Variants in OXNAD1 observed in about 807,000 individuals in gnomAD.
OXNAD1 encodes the protein oxidoreductase NAD binding domain containing 1, also known as oxidoreductase NAD-binding domain-containing protein 1.
Under a neutral mutation model 32.9 loss-of-function variants are expected in OXNAD1, and 34 were observed. The ratio of observed to expected loss-of-function variants is 1.03; its 90% CI spans 0.79 to 1.38. The LOEUF is 1.38. OXNAD1 is among the 40% of genes most tolerant of loss of function. OXNAD1 has a pLI of 0.00. For missense variants in OXNAD1, 407 were observed against 379.4 expected, an observed-to-expected ratio of 1.07 and a Z score of -0.60; for synonymous variants, 134 against 135.2, an observed-to-expected ratio of 0.99 and a Z score of 0.06.
Position 16,336,714 on chromosome 3 carries a change from G to A in OXNAD1, c.*31-398G>A, listed in dbSNP as rs562795451. ...TCTTAGATGCAGAAAAGGGTCAGAG[G>A]AAAATACATGTAGTGCATAAAAAGC... On this transcript the variant is annotated intron_variant, in intron 9 of 9. Transcript: ENST00000435829. The surrounding 1 kb of genome is among the most constrained non-coding windows in gnomAD (Gnocchi z 6.0). Among the ~76,000 whole-genome samples the A allele has an allele frequency of 6.6e-6, 1 of 152,038 alleles. No individual in the cohort carries two copies. Among genetic ancestry groups the A allele is most frequent in the East Asian group, 1.9e-4 (1 of 5,178 alleles).
intron 9 of OXNAD1, among the ~76,000 whole-genome samples, chr3:16,343,044 T>C (rs2071414890): frequency 6.6e-6 from 1 of 152,132 alleles, no homozygotes; most frequent in East Asian, 1.9e-4. Context: ...AAGGTCTCAC[T>C]ATGTTGCCCA....
At position 16,348,085 on chromosome 3, in the gene OXNAD1, T is replaced by A. The variant is rs1451130122; in HGVS notation, c.*31-1091T>A. The A allele has an allele frequency of 6.6e-6, 1 of 152,130 alleles. No homozygotes were observed. Among genetic ancestry groups the A allele is most frequent in the Admixed American group, 6.5e-5 (1 of 15,272 alleles). The allele number at this position is 152,130 out of a possible 1,614,324, so 9.4% of individuals were successfully genotyped here. ...CTGAGGCCAGGGAGCAGGGCTTTCA[T>A]ACACCCACACTCCTCTGTCATCGAC... On this transcript the variant is annotated intron_variant, in intron 9 of 9. Coordinates refer to the OXNAD1 transcript ENST00000606098. This position sits in a 1 kb window ranked among gnomAD's most constrained non-coding sequence, Gnocchi z 6.3.
At position 16,304,414 on chromosome 3, in the gene OXNAD1, A is replaced by G. The variant is rs560458705; in HGVS notation, c.*852A>G. ...CTTTTTATTTCACTCATTTGCCAGA[A>G]TTGTTCTTGGCACCAGCAGCTCCTT... On this transcript the variant is annotated 3_prime_UTR_variant, in exon 9 of 9. Transcript: ENST00000285083. This position sits in a 1 kb window ranked among gnomAD's most constrained non-coding sequence, Gnocchi z 4.6. The G allele has an allele frequency of 3.3e-5, 5 of 152,342 alleles. No individual in the cohort carries two copies. In the East Asian group the frequency reaches 9.6e-4, roughly 29 times the overall value. 9.4% of individuals were successfully genotyped at this position (152,342 alleles called of 1,614,324 possible). A position where few individuals can be genotyped will look rare whatever the true frequency, so the allele number is the denominator to read the frequency against.
chr3:16,330,509 G>A (rs989138607), intron 9 of OXNAD1, among the ~76,000 whole-genome samples: 1 of 152,196 alleles, frequency 6.6e-6, no homozygotes, highest in Non-Finnish European at 1.5e-5. Flanking sequence ...AGAGAAGAAA[G>A]CACCAACAAC....
chr3:16,288,813 C>T lies in OXNAD1; in HGVS notation c.290+2365C>T, dbSNP rs959217638. 1.3e-5 allele frequency among the ~76,000 whole-genome samples: 2 copies of T among 152,184 alleles called. No individual in the cohort carries two copies. The highest frequency in any genetic ancestry group is 1.3e-4 in the Admixed American group (2 of 15,278). On this transcript the variant is annotated intron_variant, in intron 5 of 8. Transcript: ENST00000285083. This position sits in a 1 kb window ranked among gnomAD's most constrained non-coding sequence, Gnocchi z 5.1. ...ATTCCTCCTCCCTTGGGGTGGAAAGCTTGGCACTCACTCTTGGGTCTGGAG... is the reference window on the plus strand; with the variant it reads ...ATTCCTCCTCCCTTGGGGTGGAAAGTTTGGCACTCACTCTTGGGTCTGGAG...
chr3:16,275,251 A>C (rs1408626021), intron 4 of OXNAD1: 1 of 156,818 alleles, frequency 6.4e-6, no homozygotes, highest in Non-Finnish European at 1.5e-5. Context: ...AATGTTCTTT[A>C]GTTGTGTCTT....
intron 9 of OXNAD1, among the ~76,000 whole-genome samples, chr3:16,332,667 G>A (rs370230352): frequency 6.6e-6 from 1 of 152,056 alleles, no homozygotes; most frequent in African/African-American, 2.4e-5. Flanking sequence ...GCTTTTCTTG[G>A]GTTCTGCAAG....
rs1420084999 is a variant in OXNAD1, at chr3:16,277,218, C to G, written c.183+5496C>G. Reference sequence around the variant, plus strand: ...CTGGGATTACAGGCATGAGCCACAGCTCCTGGCCCTCCTCTTCTGTTTCTA... The same window carrying G: ...CTGGGATTACAGGCATGAGCCACAGGTCCTGGCCCTCCTCTTCTGTTTCTA... On this transcript the variant is annotated intron_variant, in intron 4 of 8. Coordinates refer to ENST00000285083, the MANE Select transcript of OXNAD1 (RefSeq NM_138381.5). This position sits in a 1 kb window ranked among gnomAD's most constrained non-coding sequence, Gnocchi z 4.3. Among the ~76,000 whole-genome samples, 1 of 152,180 alleles carries G rather than the reference C, an allele frequency of 6.6e-6. No homozygotes were observed. The highest frequency in any genetic ancestry group is 6.5e-5 in the Admixed American group (1 of 15,278).
intron 4 of OXNAD1, among the ~76,000 whole-genome samples, chr3:16,285,674 T>C (rs2066026034): frequency 6.6e-6 from 1 of 152,208 alleles, no homozygotes; most frequent in African/African-American, 2.4e-5. Context: ...TCTCAAATTA[T>C]CTGTAGGGAA....
chr3:16,274,145 CAAT>C (rs1207212119), intron 4 of OXNAD1, among the ~76,000 whole-genome samples: 1 of 144,136 alleles, frequency 6.9e-6, no homozygotes, highest in African/African-American at 2.6e-5. Flanking sequence ...TTCCCCCTTC[CAAT>C]AAATCACTGT....
chr3:16,290,805 G>A lies in OXNAD1; in HGVS notation c.291-4051G>A, dbSNP rs994397182. The stretch of plus-strand genomic sequence containing the variant: ...AAATGACTGGAAATGTAAGGCCATA[G>A]ACTGCAGGAGAATATTTTTTTAAGG... On this transcript the variant is annotated intron_variant, in intron 5 of 8. Coordinates refer to ENST00000285083, the MANE Select transcript of OXNAD1 (RefSeq NM_138381.5). This position sits in a 1 kb window ranked among gnomAD's most constrained non-coding sequence, Gnocchi z 4.2. Among the ~76,000 whole-genome samples the A allele has an allele frequency of 2.0e-5, 3 of 152,216 alleles. No individual in the cohort carries two copies. The highest frequency in any genetic ancestry group is 7.2e-5 in the African/African-American group (3 of 41,456).
Position 16,265,986 on chromosome 3 carries a change from G to T in OXNAD1, c.-159+481G>T. On this transcript the variant is annotated intron_variant, in intron 1 of 8. Transcript: ENST00000285083. The surrounding 1 kb of genome is among the most constrained non-coding windows in gnomAD (Gnocchi z 4.8). ...TTTTTGTCTTGAAAGCAGTGCTAGT[G>T]CCTGTTTTGGTAAAACCGATTACAT... is the stretch of plus-strand genomic sequence containing the variant. The T allele has an allele frequency of 3.7e-6, 3 of 820,654 alleles. No homozygotes were observed. The highest frequency in any genetic ancestry group is 5.5e-5 in the South Asian group (1 of 18,042). 50.8% of individuals were successfully genotyped at this position (820,654 alleles called of 1,614,324 possible).
chr3:16,283,888 G>A (rs1433099074), intron 4 of OXNAD1, among the ~76,000 whole-genome samples: 1 of 152,156 alleles, frequency 6.6e-6, no homozygotes, highest in Non-Finnish European at 1.5e-5. Flanking sequence ...AGGTCAGGGA[G>A]GGTGAGAACT....
At chr3:16,278,890 G>A (rs1489048421) in intron 4 of OXNAD1, among the ~76,000 whole-genome samples, 1 of 152,170 alleles carries the variant, frequency 6.6e-6, no homozygotes, top group African/African-American at 2.4e-5. Flanking sequence ...TGAGGCTTGG[G>A]TTTGAATGGG....
rs2070906737 is a variant in OXNAD1, at chr3:16,336,904, T to C, written c.*31-208T>C. Among the ~76,000 whole-genome samples the C allele has an allele frequency of 6.6e-6, 1 of 152,210 alleles. No individual in the cohort carries two copies. The highest frequency in any genetic ancestry group is 1.5e-5 in the Non-Finnish European group (1 of 68,038). On this transcript the variant is annotated intron_variant, in intron 9 of 9. Transcript: ENST00000435829. The surrounding 1 kb of genome is among the most constrained non-coding windows in gnomAD (Gnocchi z 6.0). ...ACATGAAACATATTGTTTGGAAGAA[T>C]GGTGTCTATTATGACTTCCCTGTGT...
chr3:16,303,555 GGT>G lies in OXNAD1; in HGVS notation c.934_935del (p.Trp312ValfsTer10). 1 of 1,613,770 alleles carries G rather than the reference GGT, an allele frequency of 6.2e-7. No homozygotes were observed. Among genetic ancestry groups the G allele is most frequent in the Non-Finnish European group, 8.5e-7 (1 of 1,179,836 alleles). On this transcript the variant is annotated frameshift_variant, in exon 9 of 9. Transcript: ENST00000285083. LOFTEE classifies it high-confidence loss of function. This position sits in a 1 kb window ranked among gnomAD's most constrained non-coding sequence, Gnocchi z 4.8. Reference sequence around the variant, plus strand: ...AAAGAACACATTTGCTTTGAGAAGTGGTGGTAGGAGGCAGACAAAGGCAGAAA... The same window carrying G: ...AAAGAACACATTTGCTTTGAGAAGTGGGTAGGAGGCAGACAAAGGCAGAAA...
In OXNAD1 at chr3:16,329,496, G is replaced by C. The variant is rs1273998965; in HGVS notation, c.*31-7616G>C. Among the ~76,000 whole-genome samples the C allele has an allele frequency of 2.0e-5, 3 of 152,166 alleles. No homozygotes were observed. Among genetic ancestry groups the C allele is most frequent in the Non-Finnish European group, 4.4e-5 (3 of 68,032 alleles). ...CTTCCCTGAAGCCTCTATCAGGCCA[G>C]AGATGGCCCAGCAGTTGTGACCATC... On this transcript the variant is annotated intron_variant, in intron 9 of 9. Coordinates refer to the OXNAD1 transcript ENST00000435829. The surrounding 1 kb of genome is among the most constrained non-coding windows in gnomAD (Gnocchi z 4.5).
chr3:16,351,686 A>G (rs2072113523), downstream of OXNAD1, among the ~76,000 whole-genome samples: 1 of 152,220 alleles, frequency 6.6e-6, no homozygotes, highest in African/African-American at 2.4e-5. This position sits in a 1 kb window ranked among gnomAD's most constrained non-coding sequence, Gnocchi z 5.4. Flanking sequence ...TAAGCTGTAT[A>G]TAAGTTAGAC....
At chr3:16,311,182 A>T (rs573150421) in intron 9 of OXNAD1, among the ~76,000 whole-genome samples, 17 of 124,320 alleles carry the variant, frequency 1.4e-4, no homozygotes, top group African/African-American at 5.3e-4. Flanking sequence ...GTCTTTTTTT[A>T]AAAATATTAT....
Sources: gnomAD v4.1 joint callset for allele counts (sites outside exome capture counted in the v4.1 genomes callset) on GRCh38, gnomAD v4.1.1 for gene constraint, Gnocchi (gnomAD v3.1) non-coding constraint, MANE v1.5 for transcripts, NCBI Gene and HGNC (gene_info 2026-07-23, HGNC 2026-07-21) for gene names.